IKZF1: variants seen among roughly 807,000 people sequenced by gnomAD.
The protein encoded by IKZF1 is IKAROS family zinc finger 1.
Under a neutral mutation model 51.7 loss-of-function variants are expected in IKZF1, and 10 were observed. That is an observed-to-expected ratio of 0.19 (90% CI 0.12 to 0.33). The LOEUF (loss-of-function observed/expected upper bound fraction) is 0.33. Among genes scored for constraint, IKZF1 ranks in the 10% least tolerant of loss-of-function variants. The probability of loss-of-function intolerance (pLI) is 1.00; values close to 1 mark genes in which losing one functional copy is unlikely to be tolerated. For missense variants in IKZF1, 484 were observed against 707.5 expected (o/e 0.68, Z 3.58); for synonymous variants, 280 against 282.3 (o/e 0.99, Z 0.08).
intron 2 of IKZF1, 39 bp from the exon 3 acceptor site, chr7:50,327,599 C>T (rs1476103602): frequency 6.4e-7 from 1 of 1,562,120 alleles, no homozygotes; most frequent in Non-Finnish European, 8.7e-7. Context: ...GCACCTTGAC[C>T]ATGACCGCCC....
chr7:50,375,116 G>T (rs1202041485), intron 3 of IKZF1, among the ~76,000 whole-genome samples: 1 of 152,126 alleles, frequency 6.6e-6, no homozygotes, highest in Admixed American at 6.5e-5. Context: ...GATTGAAAAT[G>T]TTGATCAAAA....
chr7:50,310,483 A>G (rs1192870988), intron 1 of IKZF1, among the ~76,000 whole-genome samples: 3 of 152,186 alleles, frequency 2.0e-5, no homozygotes, highest in Non-Finnish European at 4.4e-5. Context: ...GGAAGTTGTA[A>G]GCTCTCTGAG....
At chr7:50,391,595 G>A (rs1306324603) in intron 6 of IKZF1, 134 bp from the exon 7 acceptor site, 1 of 1,329,428 alleles carries the variant, frequency 7.5e-7, no homozygotes, top group Non-Finnish European at 1.0e-6. Flanking sequence ...AGTGTTGCTG[G>A]GAAGATTAGA....
intron 7 of IKZF1, among the ~76,000 whole-genome samples, chr7:50,398,708 T>C (rs896200314): frequency 1.3e-5 from 2 of 152,224 alleles, no homozygotes; most frequent in African/African-American, 4.8e-5. Context: ...TCCAGATGTG[T>C]TGAAGGATGG....
At chr7:50,356,659 TCTC>T (rs1803498298) in intron 3 of IKZF1, among the ~76,000 whole-genome samples, 2 of 152,350 alleles carry the variant, frequency 1.3e-5, no homozygotes, top group East Asian at 3.9e-4. Context: ...TTCTGTCACT[TCTC>T]CATAATTCTT....
chr7:50,373,925 C>G (rs1809482701), intron 3 of IKZF1, among the ~76,000 whole-genome samples: 1 of 152,172 alleles, frequency 6.6e-6, no homozygotes, highest in Non-Finnish European at 1.5e-5. Flanking sequence ...GAGAGGTTAG[C>G]AGGAGGCTGC....
At chr7:50,320,541 C>A (rs1792921217) in intron 2 of IKZF1, among the ~76,000 whole-genome samples, 1 of 152,156 alleles carries the variant, frequency 6.6e-6, no homozygotes, top group South Asian at 2.1e-4. Context: ...TCCTACCTAG[C>A]TGTAATTTTG....
intron 1 of IKZF1, among the ~76,000 whole-genome samples, chr7:50,314,273 G>T (rs1790929841): frequency 6.6e-6 from 1 of 152,132 alleles, no homozygotes. Context: ...ACCACACCTG[G>T]CTAATTTTTT....
At chr7:50,304,208 C>G (rs143791643), upstream of IKZF1, 1 of 150,080 alleles carries the variant, frequency 6.7e-6, no homozygotes, top group African/African-American at 2.4e-5. Flanking sequence ...CCCCTCTGGC[C>G]CGGAGTTGCG....
intron 3 of IKZF1, chr7:50,367,730 C>T: frequency 2.7e-6 from 1 of 374,288 alleles, no homozygotes; most frequent in Admixed American, 4.4e-5. Flanking sequence ...TTTGGGGCTG[C>T]ACCCTCTAAG....
intron 2 of IKZF1, chr7:50,327,382 T>C (rs2153383901): frequency 6.0e-6 from 2 of 334,294 alleles, no homozygotes; most frequent in South Asian, 1.7e-4. Context: ...ATAAAGATGA[T>C]TTTAAGAGTG....
chr7:50,391,665 T>C, intron 6 of IKZF1, 64 bp from the exon 7 acceptor site: 4 of 1,580,176 alleles, frequency 2.5e-6, no homozygotes, highest in Non-Finnish European at 3.4e-6. Context: ...GATTTAACAT[T>C]GGACGCGACT....
chr7:50,397,554 G>A (rs1028012086), intron 7 of IKZF1, among the ~76,000 whole-genome samples: 1 of 152,152 alleles, frequency 6.6e-6, no homozygotes, highest in Non-Finnish European at 1.5e-5. Flanking sequence ...GGGCTGTAAA[G>A]ACTTTTATAT....
At chr7:50,394,917 G>A (rs1816273436) in intron 7 of IKZF1, among the ~76,000 whole-genome samples, 1 of 152,132 alleles carries the variant, frequency 6.6e-6, no homozygotes, top group South Asian at 2.1e-4. Flanking sequence ...AATGATAATT[G>A]TTGTTTTTAG....
chr7:50,399,579 T>C (rs960236933), intron 7 of IKZF1, among the ~76,000 whole-genome samples: 1 of 152,200 alleles, frequency 6.6e-6, no homozygotes, highest in Non-Finnish European at 1.5e-5. Flanking sequence ...ATTTAAAATA[T>C]TAAATGAAAT....
chr7:50,322,339 A>G (rs941761014), intron 2 of IKZF1, among the ~76,000 whole-genome samples: 1 of 152,222 alleles, frequency 6.6e-6, no homozygotes, highest in Non-Finnish European at 1.5e-5. Context: ...CAGCAATTTC[A>G]TAGGATTCAA....
intron 3 of IKZF1, among the ~76,000 whole-genome samples, chr7:50,347,293 AGT>A (rs905816651): frequency 1.3e-5 from 2 of 152,190 alleles, no homozygotes; most frequent in Admixed American, 1.3e-4. Context: ...AAAAAGATAA[AGT>A]TAGCATACCT....
chr7:50,348,859 C>G lies in IKZF1; in HGVS notation c.160+21102C>G, dbSNP rs181167343. On this transcript the variant is annotated intron_variant, in intron 3 of 7. Coordinates refer to ENST00000331340, the MANE Select transcript of IKZF1 (RefSeq NM_006060.6). Reference sequence around the variant, plus strand: ...CCTTCAACAAAGGAGATAGGCCCCACTGGCCGTGGGGCAGTTTATGTTATT... The same window carrying G: ...CCTTCAACAAAGGAGATAGGCCCCAGTGGCCGTGGGGCAGTTTATGTTATT... Among the ~76,000 whole-genome samples, 4 of 152,340 alleles carry G rather than the reference C, an allele frequency of 2.6e-5. No individual in the cohort carries two copies. The East Asian group carries it at 7.7e-4, about 29-fold the overall frequency.
intron 4 of IKZF1, among the ~76,000 whole-genome samples, chr7:50,377,613 G>A (rs758607956): frequency 1.3e-5 from 2 of 152,236 alleles, no homozygotes; most frequent in Non-Finnish European, 2.9e-5. Flanking sequence ...TGATGGAAGT[G>A]TCACAGAGTT....
Sources: gnomAD v4.1 joint callset for allele counts (sites outside exome capture counted in the v4.1 genomes callset) on GRCh38, gnomAD v4.1.1 for gene constraint, MANE v1.5 for transcripts, NCBI Gene and HGNC (gene_info 2026-07-23, HGNC 2026-07-21) for gene names.